LARS1: variants seen among roughly 807,000 people sequenced by gnomAD.
LARS1 encodes leucyl-tRNA synthetase 1.
Under a neutral mutation model 162.8 loss-of-function variants are expected in LARS1, and 100 were observed. That is an observed-to-expected ratio of 0.61 (90% confidence interval 0.52 to 0.73). The LOEUF (loss-of-function observed/expected upper bound fraction) is 0.73, where lower values mean the gene tolerates loss of function less well. Among genes scored for constraint, LARS1 ranks in the 30% least tolerant of loss-of-function variants. The probability of loss-of-function intolerance (pLI) is 0.00; values close to 1 mark genes in which losing one functional copy is unlikely to be tolerated. For missense variants in LARS1, 1,258 were observed against 1,408.9 expected, an observed-to-expected ratio of 0.89 and a Z score of 1.71; for synonymous variants, 457 against 462.8, an observed-to-expected ratio of 0.99 and a Z score of 0.16.
chr5:146,126,025 C>A (rs1752027389), intron 28 of LARS1, among the ~76,000 whole-genome samples: 1 of 151,976 alleles, frequency 6.6e-6, no homozygotes, highest in African/African-American at 2.4e-5. Flanking sequence ...ACCAACAGAG[C>A]TATGCTGAGA....
In LARS1 at chr5:146,147,710, T is replaced by C. The variant is rs559147661; in HGVS notation, c.1503+1912A>G. 5.7e-3 allele frequency among the ~76,000 whole-genome samples: 871 copies of C among 151,988 alleles called. 4 individuals carry two copies. Among genetic ancestry groups the C allele is most frequent in the Non-Finnish European group, 9.4e-3 (636 of 67,972 alleles). ...TCTAAGAGGTTCAATATCTGAATGATAGGAATTCAAAAAGTGAAAATAGAG... is the reference window on the plus strand; with the variant it reads ...TCTAAGAGGTTCAATATCTGAATGACAGGAATTCAAAAAGTGAAAATAGAG... On this transcript the variant is annotated intron_variant, in intron 15 of 31. Coordinates refer to ENST00000394434, the MANE Select transcript of LARS1 (RefSeq NM_020117.11).
chr5:146,138,925 G>T lies in LARS1; in HGVS notation c.2148+1279C>A, dbSNP rs896585144. On this transcript the variant is annotated intron_variant, in intron 21 of 31. Transcript: ENST00000394434. ...TCAGGCCCACGGGAACAGTAGCATG[G>T]TTCATGCCAAATTCCTAAACAATCT... 6 of 345,264 alleles carry T rather than the reference G, an allele frequency of 1.7e-5. No homozygotes were observed. In the Admixed American group the frequency reaches 1.7e-4, roughly 10 times the overall value. The allele number at this position is 345,264 out of a possible 1,614,324, so 21.4% of individuals were successfully genotyped here.
At chr5:146,161,875 A>G (rs1238447153) in intron 6 of LARS1, among the ~76,000 whole-genome samples, 1 of 152,198 alleles carries the variant, frequency 6.6e-6, no homozygotes, top group Non-Finnish European at 1.5e-5. Flanking sequence ...CTTTACCAGA[A>G]GTAGACTCCA....
In LARS1 at chr5:146,126,544, G is replaced by A. The variant is rs770547790; in HGVS notation, c.2882C>T (p.Ala961Val). The A allele has an allele frequency of 4.4e-6, 7 of 1,605,560 alleles. No individual in the cohort carries two copies. The South Asian group carries it at 7.7e-5, about 18-fold the overall frequency. Residue 961 changes from alanine to valine, a missense_variant and splice_region_variant, in exon 28 of 32, where the codon GCC becomes GTC. Ala to Val is a moderately conservative substitution (Grantham distance 64, BLOSUM62 0). Transcript: ENST00000394434. ...TLSVLRKHFE[A>V]NNGKLPDNKV... Reference sequence around the variant, plus strand: ...GTTGTCAGGCAGTTTTCCGTTATTGGCCTAAGAAAAGGAAGGAGGGAGAGT... The same window carrying A: ...GTTGTCAGGCAGTTTTCCGTTATTGACCTAAGAAAAGGAAGGAGGGAGAGT...
intron 15 of LARS1, 136 bp downstream of exon 15, chr5:146,149,486 T>C: frequency 1.5e-6 from 1 of 688,354 alleles, no homozygotes; most frequent in South Asian, 1.8e-5. Context: ...GCTAAATAGG[T>C]CTATTTTCTG....
chr5:146,162,274 C>T (rs1753810270), intron 6 of LARS1, among the ~76,000 whole-genome samples: 2 of 152,136 alleles, frequency 1.3e-5, no homozygotes, highest in African/African-American at 4.8e-5. Context: ...AATAAGAAGA[C>T]CTACAAGTCA....
At chr5:146,161,200 A>G (rs1291853821) in intron 6 of LARS1, among the ~76,000 whole-genome samples, 1 of 152,232 alleles carries the variant, frequency 6.6e-6, no homozygotes, top group African/African-American at 2.4e-5. Context: ...TAAAATGCTA[A>G]TAATCATCTG....
Position 146,133,089 on chromosome 5 carries a change from A to C in LARS1, c.2213-8T>G. 6.2e-7 allele frequency: 1 copy of C among 1,612,082 alleles called. No homozygotes were observed. Among genetic ancestry groups the C allele is most frequent in the Non-Finnish European group, 8.5e-7 (1 of 1,179,094 alleles). ...CCAGAGCCAAACGCATTCCTGGAAG[A>C]AGAAAAAAAAATTCAATGCATTAAA... On this transcript the variant is annotated splice_region_variant and splice_polypyrimidine_tract_variant and intron_variant, in intron 22 of 31. Coordinates refer to ENST00000394434, the MANE Select transcript of LARS1 (RefSeq NM_020117.11).
chr5:146,172,641 G>T, intron 3 of LARS1, 46 bp downstream of exon 3: 2 of 1,136,162 alleles, frequency 1.8e-6, no homozygotes, highest in Non-Finnish European at 2.5e-6. Context: ...AACAATATTC[G>T]TTAAAAACCT....
intron 22 of LARS1, 54 bp downstream of exon 22, chr5:146,135,547 T>C: frequency 7.7e-7 from 1 of 1,298,120 alleles, no homozygotes; most frequent in Non-Finnish European, 1.1e-6. Flanking sequence ...ACGTGTCTTC[T>C]ATAATCTGAG....
chr5:146,149,588 T>C (rs779404454), intron 15 of LARS1, 34 bp downstream of exon 15: 87 of 1,489,718 alleles, frequency 5.8e-5, no homozygotes, highest in Non-Finnish European at 8.0e-5. Context: ...ACAGCTCTTC[T>C]AAAACAGCCT....
At chr5:146,153,872 A>G (rs762212419) in intron 11 of LARS1, 21 bp downstream of exon 11, 1 of 1,607,630 alleles carries the variant, frequency 6.2e-7, no homozygotes, top group South Asian at 1.1e-5. Flanking sequence ...AAATATTTCT[A>G]GAAATAAATA....
intron 5 of LARS1, among the ~76,000 whole-genome samples, chr5:146,166,827 T>C (rs1754028540): frequency 6.7e-6 from 1 of 148,186 alleles, no homozygotes; most frequent in Admixed American, 6.9e-5. Context: ...CCTCAAAAGA[T>C]CTCTCCCAAA....
Position 146,157,753 on chromosome 5 carries a change from G to A in LARS1, c.814C>T (p.Leu272Phe), listed in dbSNP as rs771940199. The part of the protein sequence containing the change: ...QEYTLLKLKV[L>F]EPYPSKLSGL... ...CTTAATTTAGATGGGTATGGCTCAAGCACCTTCAATTTGAGTAAAGTATAT... is the reference window on the plus strand; with the variant it reads ...CTTAATTTAGATGGGTATGGCTCAAACACCTTCAATTTGAGTAAAGTATAT... Residue 272 changes from leucine to phenylalanine, a missense_variant, in exon 9 of 32, where the codon CTT becomes TTT. By Grantham distance (22) the Leu-to-Phe change is conservative. Transcript: ENST00000394434. 6.2e-7 allele frequency: 1 copy of A among 1,614,104 alleles called. No individual in the cohort carries two copies. The highest frequency in any genetic ancestry group is 8.5e-7 in the Non-Finnish European group (1 of 1,180,000).
At chr5:146,128,622 T>C (rs1561800442) in intron 27 of LARS1, 50 bp downstream of exon 27, 2 of 1,228,222 alleles carry the variant, frequency 1.6e-6, no homozygotes, top group South Asian at 1.5e-5. Flanking sequence ...AAAAACAACA[T>C]AGGGAGCATA....
At chr5:146,136,147 C>T (rs889177627) in intron 21 of LARS1, among the ~76,000 whole-genome samples, 13 of 152,208 alleles carry the variant, frequency 8.5e-5, no homozygotes, top group African/African-American at 3.1e-4. Flanking sequence ...TCGGAAGAGG[C>T]ACCACTCACA....
At chr5:146,180,652 T>G (rs1311373966) in intron 1 of LARS1, among the ~76,000 whole-genome samples, 6 of 152,338 alleles carry the variant, frequency 3.9e-5, no homozygotes, top group African/African-American at 1.4e-4. Flanking sequence ...AAGCTTTTAT[T>G]TGAGTTTTCT....
At position 146,177,671 on chromosome 5, in the gene LARS1, G is replaced by A; in HGVS notation, c.7-6C>T. On this transcript the variant is annotated splice_region_variant and splice_polypyrimidine_tract_variant and intron_variant, in intron 1 of 31. Transcript: ENST00000394434. ...TTGGCTGTTCCTTTTCTTTCCTATT[G>A]GACACAAAGAGAATAATCCACTCTG... 1 of 1,466,124 alleles carries A rather than the reference G, an allele frequency of 6.8e-7. No homozygotes were observed. Among genetic ancestry groups the A allele is most frequent in the East Asian group, 2.4e-5 (1 of 42,484 alleles). 90.8% of individuals were successfully genotyped at this position (1,466,124 alleles called of 1,614,324 possible). A position where few individuals can be genotyped will look rare whatever the true frequency, so the allele number is the denominator to read the frequency against.
At chr5:146,142,815 A>G in intron 20 of LARS1, 57 bp downstream of exon 20, 1 of 1,311,112 alleles carries the variant, frequency 7.6e-7, no homozygotes, top group Non-Finnish European at 1.1e-6. Flanking sequence ...ATTTGAAGCC[A>G]CAAGACACCC....
Sources: allele counts gnomAD v4.1 joint callset (sites outside exome capture counted in the v4.1 genomes callset), GRCh38; gene constraint gnomAD v4.1.1; transcripts MANE v1.5; gene names NCBI Gene and HGNC (gene_info 2026-07-23, HGNC 2026-07-21).